Variants in SCYL2 observed in about 807,000 individuals in gnomAD.
SCYL2 encodes SCY1-like protein 2.
A neutral mutation model predicts 100.4 loss-of-function variants in SCYL2; 36 were observed. The observed-to-expected ratio is 0.36, with a 90% CI of 0.27 to 0.47. The LOEUF (loss-of-function observed/expected upper bound fraction) is 0.47, where lower values mean the gene tolerates loss of function less well. Among genes scored for constraint, SCYL2 ranks in the 20% least tolerant of loss-of-function variants. The probability of loss-of-function intolerance (pLI) is 1.00; values close to 1 mark genes in which losing one functional copy is unlikely to be tolerated. For synonymous variants in SCYL2, 330 were observed against 359.2 expected (o/e 0.92, Z 0.92); for missense variants, 902 against 1,083.9 (o/e 0.83, Z 2.36).
chr12:100,282,086 C>T (rs977140349), intron 1 of SCYL2, among the ~76,000 whole-genome samples: 2 of 151,822 alleles, frequency 1.3e-5, no homozygotes, highest in African/African-American at 4.8e-5. Context: ...AGTGTGATCT[C>T]GACTCTTGAC....
chr12:100,312,309 A>G (rs60365547), intron 5 of SCYL2, 123 bp from the exon 6 acceptor site: 141,285 of 729,192 alleles, frequency 0.19, 15,266 homozygotes, highest in African/African-American at 0.33. Flanking sequence ...GAATTTTGGG[A>G]TTGAAGGCGT....
rs1952294200 is a variant in SCYL2 at position 100,337,507 on chromosome 12, G to A, written c.2145+1G>A. The stretch of plus-strand genomic sequence containing the variant: ...CACACCTGTTGCTACTGTTAAACAG[G>A]TCAGAGTTCATTTCTTTTGTGTAAT... On this transcript the variant is annotated splice_donor_variant, in intron 17 of 17. Coordinates refer to ENST00000360820, the MANE Select transcript of SCYL2 (RefSeq NM_017988.6). LOFTEE classifies it high-confidence loss of function. The A allele has an allele frequency of 6.2e-7, 1 of 1,613,330 alleles. No individual in the cohort carries two copies. Among genetic ancestry groups the A allele is most frequent in the Non-Finnish European group, 8.5e-7 (1 of 1,179,552 alleles).
At chr12:100,300,792 A>G (rs2096326636) in intron 4 of SCYL2, among the ~76,000 whole-genome samples, 1 of 152,208 alleles carries the variant, frequency 6.6e-6, no homozygotes. Flanking sequence ...ACATAATGAC[A>G]CCCAGTTCCA....
chr12:100,296,290 CACTGGA>C (rs2096320394), intron 3 of SCYL2, among the ~76,000 whole-genome samples: 1 of 152,152 alleles, frequency 6.6e-6, no homozygotes, highest in African/African-American at 2.4e-5. Flanking sequence ...ACTGACATGA[CACTGGA>C]ATTACCCAAA....
chr12:100,332,488 A>G (rs1258672640), intron 13 of SCYL2, among the ~76,000 whole-genome samples: 1 of 152,170 alleles, frequency 6.6e-6, no homozygotes, highest in Non-Finnish European at 1.5e-5. Context: ...CACAAACTAC[A>G]TTTAACAATA....
intron 2 of SCYL2, among the ~76,000 whole-genome samples, chr12:100,283,358 A>G (rs2135833489): frequency 6.6e-6 from 1 of 152,364 alleles, no homozygotes; most frequent in East Asian, 1.9e-4. Context: ...ATACTGTTTG[A>G]CATACCATAT....
At position 100,337,517 on chromosome 12, in the gene SCYL2, A is replaced by C; in HGVS notation, c.2145+11A>C. ...GCTACTGTTAAACAGGTCAGAGTTC[A>C]TTTCTTTTGTGTAATTTCCAGAATA... On this transcript the variant is annotated intron_variant, in intron 17 of 17. Coordinates refer to ENST00000360820, the MANE Select transcript of SCYL2 (RefSeq NM_017988.6). 1.9e-6 allele frequency: 3 copies of C among 1,613,200 alleles called. No homozygotes were observed. Among genetic ancestry groups the C allele is most frequent in the Non-Finnish European group, 2.5e-6 (3 of 1,179,308 alleles).
chr12:100,339,316 C>CATA lies in SCYL2; in HGVS notation c.*145_*147dup, dbSNP rs1952324094. 1 of 815,510 alleles carries CATA rather than the reference C, an allele frequency of 1.2e-6. No homozygotes were observed. The highest frequency in any genetic ancestry group is 1.9e-6 in the Non-Finnish European group (1 of 531,122). The allele number at this position is 815,510 out of a possible 1,614,324, so 50.5% of individuals were successfully genotyped here. On this transcript the variant is annotated 3_prime_UTR_variant, in exon 18 of 18. Transcript: ENST00000360820. ...CAGGAAACATCTCTGTCCATGCCAG[C>CATA]ATAGTAGTTGTATGGACTTCTAACC...
chr12:100,304,005 C>T (rs1222847609), intron 4 of SCYL2, among the ~76,000 whole-genome samples: 1 of 152,216 alleles, frequency 6.6e-6, no homozygotes, highest in Admixed American at 6.5e-5. Context: ...GGCTTTGCAG[C>T]TGCAGTGGGT....
chr12:100,268,158 G>A (rs898746560), intron 1 of SCYL2, among the ~76,000 whole-genome samples: 7 of 152,216 alleles, frequency 4.6e-5, no homozygotes, highest in Non-Finnish European at 1.0e-4. Context: ...TATGCCTGTA[G>A]TGACTTCATT....
chr12:100,327,454 T>C (rs562662543), intron 12 of SCYL2, among the ~76,000 whole-genome samples: 1 of 152,264 alleles, frequency 6.6e-6, no homozygotes, highest in South Asian at 2.1e-4. Context: ...AAAATAGGCA[T>C]AGCTATAGAG....
intron 1 of SCYL2, among the ~76,000 whole-genome samples, chr12:100,278,174 T>C (rs934891323): frequency 6.6e-6 from 1 of 152,182 alleles, no homozygotes; most frequent in African/African-American, 2.4e-5. Context: ...ATTATTCTGG[T>C]TTAAAAACTT....
At chr12:100,336,980 G>A (rs1223873100) in intron 16 of SCYL2, among the ~76,000 whole-genome samples, 2 of 152,102 alleles carry the variant, frequency 1.3e-5, no homozygotes, top group East Asian at 3.9e-4. Flanking sequence ...GTAGACATCA[G>A]CAGTGAAAGA....
At position 100,338,824 on chromosome 12, in the gene SCYL2, G is replaced by C. The variant is rs1294104673; in HGVS notation, c.2442G>C (p.Leu814Phe). The change falls in exon 18 of 18, where the codon TTG becomes TTC. Residue 814 changes from leucine to phenylalanine, a missense_variant. Coordinates refer to ENST00000360820, the MANE Select transcript of SCYL2 (RefSeq NM_017988.6). ...TKMTLGTPPT[L>F]PNFNALSVPP... ...TGACTCTGGGAACACCTCCCACTTT[G>C]CCAAACTTCAATGCTTTGAGTGTTC... The C allele has an allele frequency of 6.2e-7, 1 of 1,614,012 alleles. No individual in the cohort carries two copies. The highest frequency in any genetic ancestry group is 8.5e-7 in the Non-Finnish European group (1 of 1,180,004).
intron 9 of SCYL2, among the ~76,000 whole-genome samples, chr12:100,316,493 G>A (rs1336874184): frequency 6.6e-6 from 1 of 152,198 alleles, no homozygotes; most frequent in African/African-American, 2.4e-5. Flanking sequence ...GCATTGTATA[G>A]GAATAGCTTA....
At chr12:100,278,029 T>C (rs1297357750) in intron 1 of SCYL2, among the ~76,000 whole-genome samples, 1 of 152,192 alleles carries the variant, frequency 6.6e-6, no homozygotes, top group Non-Finnish European at 1.5e-5. Flanking sequence ...CTCCTGTTCT[T>C]TCTTGTTACA....
At chr12:100,293,900 C>A (rs1283228468) in intron 3 of SCYL2, among the ~76,000 whole-genome samples, 2 of 152,114 alleles carry the variant, frequency 1.3e-5, no homozygotes, top group Non-Finnish European at 2.9e-5. Context: ...TAGTATAGAA[C>A]AAAATGAAAA....
intron 13 of SCYL2, among the ~76,000 whole-genome samples, chr12:100,329,813 C>T (rs763973701): frequency 3.3e-5 from 5 of 152,144 alleles, no homozygotes; most frequent in South Asian, 2.1e-4. Flanking sequence ...TACTTCTAAG[C>T]GCACTTACGT....
At chr12:100,299,709 T>C (rs1397176299) in intron 4 of SCYL2, among the ~76,000 whole-genome samples, 1 of 152,348 alleles carries the variant, frequency 6.6e-6, no homozygotes, top group Non-Finnish European at 1.5e-5. Flanking sequence ...ATTCTTTTTT[T>C]TTTTTAATTG....
Sources: gnomAD v4.1 joint callset for allele counts (sites outside exome capture counted in the v4.1 genomes callset) on GRCh38, gnomAD v4.1.1 for gene constraint, MANE v1.5 for transcripts, NCBI Gene and HGNC (gene_info 2026-07-23, HGNC 2026-07-21) for gene names.